Variants in MEP1A observed in about 807,000 individuals in gnomAD.
MEP1A encodes N-benzoyl-L-tyrosyl-P-amino-benzoic acid hydrolase subunit alpha.
In MEP1A, 68 loss-of-function variants were observed where a neutral mutation model predicts 84.5. The ratio of observed to expected loss-of-function variants is 0.80; its 90% CI spans 0.66 to 0.98. The LOEUF (loss-of-function observed/expected upper bound fraction) is 0.98, where lower values mean the gene tolerates loss of function less well. Ranked by LOEUF, MEP1A falls within the 50% of genes least tolerant of loss-of-function variation. MEP1A has a pLI of 0.00. For synonymous variants in MEP1A, 337 were observed against 336.8 expected, an observed-to-expected ratio of 1.00 and a Z score of -0.01; for missense variants, 887 against 919.9, an observed-to-expected ratio of 0.96 and a Z score of 0.46.
rs756139499 is a variant in MEP1A, at chr6:46,809,492, C to T, written c.335C>T (p.Pro112Leu). 9 of 1,609,968 alleles carry T rather than the reference C, an allele frequency of 5.6e-6. No homozygotes were observed. The highest frequency in any genetic ancestry group is 7.6e-6 in the Non-Finnish European group (9 of 1,177,548). The change falls in exon 6 of 14, where the codon CCC (proline) becomes CTC (leucine). Residue 112 changes from proline (P) to leucine (L), a missense_variant. Transcript: ENST00000230588. Reference protein sequence around the residue: ...FRLKSCVDFKPYEGESSYIIF... With the variant: ...FRLKSCVDFKLYEGESSYIIF... The stretch of plus-strand genomic sequence containing the variant: ...CTCAAGTCCTGTGTGGATTTCAAGC[C>T]CTATGAAGGAGAGAGCTCATATATC...
intron 13 of MEP1A, 72 bp downstream of exon 13, chr6:46,835,621 G>C: frequency 1.3e-6 from 2 of 1,506,758 alleles, no homozygotes; most frequent in Non-Finnish European, 9.1e-7. Context: ...CCTGGTAAAG[G>C]CTGCTGTTTG....
chr6:46,831,153 T>A (rs554808519), intron 10 of MEP1A, among the ~76,000 whole-genome samples: 5 of 152,268 alleles, frequency 3.3e-5, no homozygotes, highest in African/African-American at 4.8e-5. Flanking sequence ...CTGATACTGG[T>A]TTGTCAATGA....
In MEP1A at chr6:46,799,170, C is replaced by T. The variant is rs1257365776; in HGVS notation, c.251C>T (p.Ala84Val). 3.7e-6 allele frequency: 6 copies of T among 1,606,574 alleles called. No homozygotes were observed. Residue 84 changes from alanine (A) to valine (V), a missense_variant, in exon 5 of 14, where the codon GCT (alanine) becomes GTT (valine). Coordinates refer to ENST00000230588, the MANE Select transcript of MEP1A (RefSeq NM_005588.3). ...ACGTTCCCCATTCCTTACATCTTGG[C>T]TGATAATTTGGGTAATATTAATTGT... ...RWTFPIPYIL[A>V]DNLGLNAKGA...
the MEP1A span, among the ~76,000 whole-genome samples, chr6:46,844,878 T>G: frequency 6.6e-6 from 1 of 152,044 alleles, no homozygotes; most frequent in Non-Finnish European, 1.5e-5. Context: ...AGGGAACTGG[T>G]GAGAGGTTAT....
At chr6:46,797,252 T>G (rs1170623017) in intron 3 of MEP1A, among the ~76,000 whole-genome samples, 1 of 152,264 alleles carries the variant, frequency 6.6e-6, no homozygotes, top group Non-Finnish European at 1.5e-5. Context: ...AAATCAGGGC[T>G]GTCCTCAGAA....
chr6:46,800,233 C>T (rs137858821), intron 5 of MEP1A, among the ~76,000 whole-genome samples: 1 of 152,312 alleles, frequency 6.6e-6, no homozygotes, highest in African/African-American at 2.4e-5. Context: ...CACATCTGCA[C>T]CACCCTATTA....
intron 6 of MEP1A, among the ~76,000 whole-genome samples, chr6:46,815,100 A>C (rs1055869437): frequency 6.6e-6 from 1 of 152,162 alleles, no homozygotes; most frequent in Non-Finnish European, 1.5e-5. Flanking sequence ...CCCTAGGGAC[A>C]CCTGGTTAAG....
Position 46,795,298 on chromosome 6 carries a change from T to G in MEP1A, c.145+1582T>G, listed in dbSNP as rs1001652782. On this transcript the variant is annotated intron_variant, in intron 3 of 13. Coordinates refer to ENST00000230588, the MANE Select transcript of MEP1A (RefSeq NM_005588.3). The stretch of plus-strand genomic sequence containing the variant: ...CTACTCGATCTACTTTTCTTTTTTC[T>G]CTTTTCTTTTCTTTTCTCCTGAGAT... Among the ~76,000 whole-genome samples the G allele has an allele frequency of 4.9e-4, 75 of 152,106 alleles. 1 individual carries two copies. The highest frequency in any genetic ancestry group is 4.4e-5 in the Non-Finnish European group (3 of 68,032).
the MEP1A span, among the ~76,000 whole-genome samples, chr6:46,844,877 G>A: frequency 1.3e-5 from 2 of 152,168 alleles, no homozygotes; most frequent in Non-Finnish European, 2.9e-5. Flanking sequence ...GAGGGAACTG[G>A]TGAGAGGTTA....
At chr6:46,832,800 A>G (rs1340787433) in intron 10 of MEP1A, among the ~76,000 whole-genome samples, 1 of 152,212 alleles carries the variant, frequency 6.6e-6, no homozygotes, top group Non-Finnish European at 1.5e-5. Context: ...GAAATCCAGA[A>G]CCTGGATTCT....
chr6:46,796,965 G>C lies in MEP1A; in HGVS notation c.146-1641G>C, dbSNP rs541681246. Among the ~76,000 whole-genome samples the C allele has an allele frequency of 3.3e-3, 498 of 152,350 alleles. 3 individuals carry two copies. Among genetic ancestry groups the C allele is most frequent in the African/African-American group, 0.011 (447 of 41,584 alleles). Reference sequence around the variant, plus strand: ...ACAGTGGGACAGTGATGTCATTACTGTTTGTGGTTAATCGTACTGCTACCA... The same window carrying C: ...ACAGTGGGACAGTGATGTCATTACTCTTTGTGGTTAATCGTACTGCTACCA... On this transcript the variant is annotated intron_variant, in intron 3 of 13. Coordinates refer to ENST00000230588, the MANE Select transcript of MEP1A (RefSeq NM_005588.3).
chr6:46,823,879 T>C (rs75028030), intron 7 of MEP1A, among the ~76,000 whole-genome samples: 1,579 of 152,342 alleles, frequency 0.01, 17 homozygotes, highest in Admixed American at 0.017. Flanking sequence ...TTATCTCACT[T>C]TCACTAATCT....
chr6:46,799,747 G>T (rs564671527), intron 5 of MEP1A, among the ~76,000 whole-genome samples: 1 of 152,178 alleles, frequency 6.6e-6, no homozygotes, highest in African/African-American at 2.4e-5. Context: ...CTGCCTTTTA[G>T]CTAAGGTTGC....
intron 3 of MEP1A, 53 bp downstream of exon 3, chr6:46,793,769 G>C (rs1766987436): frequency 4.7e-6 from 6 of 1,289,274 alleles, no homozygotes; most frequent in Non-Finnish European, 6.7e-6. Context: ...AAACCCAGTG[G>C]TGGGATTACT....
intron 6 of MEP1A, among the ~76,000 whole-genome samples, chr6:46,817,748 C>T (rs1446537184): frequency 6.6e-6 from 1 of 152,198 alleles, no homozygotes. Context: ...TGAGTCCCAA[C>T]TACTTGATTA....
intron 5 of MEP1A, among the ~76,000 whole-genome samples, chr6:46,806,962 T>C (rs1767340387): frequency 1.3e-5 from 2 of 151,992 alleles, no homozygotes; most frequent in African/African-American, 4.8e-5. Context: ...GTTTTAGCCA[T>C]TTTCCAGCAT....
intron 9 of MEP1A, 136 bp downstream of exon 9, chr6:46,826,639 T>C: frequency 4.2e-6 from 3 of 712,700 alleles, no homozygotes; most frequent in South Asian, 4.4e-5. Context: ...AAAACATTTC[T>C]TATATCTTCA....
chr6:46,824,332 G>A (rs1219499845), intron 7 of MEP1A, among the ~76,000 whole-genome samples: 5 of 150,532 alleles, frequency 3.3e-5, no homozygotes, highest in African/African-American at 1.2e-4. Flanking sequence ...ACATGTACAT[G>A]TATTTAGTCA....
chr6:46,824,509 A>G (rs977436545), intron 7 of MEP1A, among the ~76,000 whole-genome samples: 2 of 143,886 alleles, frequency 1.4e-5, no homozygotes, highest in African/African-American at 5.0e-5. Flanking sequence ...ATTTAAATAA[A>G]TCTATTTAAA....
Sources: gnomAD v4.1 joint callset for allele counts (sites outside exome capture counted in the v4.1 genomes callset) on GRCh38, gnomAD v4.1.1 for gene constraint, MANE v1.5 for transcripts, NCBI Gene and HGNC (gene_info 2026-07-23, HGNC 2026-07-21) for gene names.